The following TMEM156 variants were observed in gnomAD, a reference collection of about 807,000 sequenced individuals.
The protein encoded by TMEM156 is transmembrane protein 156.
TMEM156 carries 28 observed loss-of-function variants against 30.5 expected under a neutral mutation model. That is an observed-to-expected ratio of 0.92 (90% CI 0.68 to 1.26). The LOEUF is 1.26. TMEM156 is among the 50% of genes most tolerant of loss of function. The pLI, the probability that TMEM156 is intolerant of heterozygous loss-of-function variation, is 0.00. For synonymous variants in TMEM156, 137 were observed against 119.9 expected (o/e 1.14, Z -0.93); for missense variants, 351 against 340.6 (o/e 1.03, Z -0.24).
At position 38,967,232 on chromosome 4, in the gene TMEM156, T is replaced by G. The variant is rs1320401414; in HGVS notation, c.*448A>C. 1.3e-5 allele frequency: 2 copies of G among 152,216 alleles called. No individual in the cohort carries two copies. Among genetic ancestry groups the G allele is most frequent in the African/African-American group, 4.8e-5 (2 of 41,460 alleles). The allele number at this position is 152,216 out of a possible 1,614,324, so 9.4% of individuals were successfully genotyped here. A position where few individuals can be genotyped will look rare whatever the true frequency, so the allele number is the denominator to read the frequency against. The stretch of plus-strand genomic sequence containing the variant: ...GTGAAATAAAAATAATCTATCTGCA[T>G]AGGAAACAATTATCAAATCAGCATC... On this transcript the variant is annotated 3_prime_UTR_variant, in exon 7 of 7. Transcript: ENST00000381938.
At chr4:38,990,609 C>T (rs1207870819) in intron 3 of TMEM156, among the ~76,000 whole-genome samples, 3 of 152,120 alleles carry the variant, frequency 2.0e-5, no homozygotes, top group African/African-American at 4.8e-5. Context: ...TCCTAGGGTC[C>T]TGTGCTGCCC....
chr4:38,968,738 A>T (rs893257048), intron 6 of TMEM156, among the ~76,000 whole-genome samples: 1 of 152,190 alleles, frequency 6.6e-6, no homozygotes, highest in South Asian at 2.1e-4. Context: ...AAGTACTAAG[A>T]CCTGCCTCTC....
intron 1 of TMEM156, among the ~76,000 whole-genome samples, chr4:39,012,078 C>T (rs965150091): frequency 1.3e-5 from 2 of 152,324 alleles, no homozygotes; most frequent in South Asian, 4.1e-4. Context: ...ATGTTCACCA[C>T]TTGGGCAATG....
At chr4:39,010,965 A>G (rs896771046) in intron 1 of TMEM156, among the ~76,000 whole-genome samples, 16 of 152,180 alleles carry the variant, frequency 1.1e-4, no homozygotes. Context: ...CTATCAACAG[A>G]GTAAAGAGAC....
intron 1 of TMEM156, among the ~76,000 whole-genome samples, chr4:39,013,729 G>A (rs1400654073): frequency 6.6e-6 from 1 of 152,046 alleles, no homozygotes; most frequent in Non-Finnish European, 1.5e-5. Flanking sequence ...AGACAAAAGT[G>A]TGTATTTAAA....
At chr4:38,984,411 G>T (rs2109908106) in intron 5 of TMEM156, among the ~76,000 whole-genome samples, 1 of 150,352 alleles carries the variant, frequency 6.7e-6, no homozygotes, top group South Asian at 2.1e-4. Context: ...TTAAATGCAT[G>T]AACAAATGGA....
At chr4:38,984,087 G>A (rs775044296) in intron 5 of TMEM156, among the ~76,000 whole-genome samples, 1 of 152,194 alleles carries the variant, frequency 6.6e-6, no homozygotes, top group East Asian at 1.9e-4. Flanking sequence ...AAGCTGTCAC[G>A]CTTCTCAAAG....
chr4:38,975,536 C>T (rs1321767688), intron 5 of TMEM156, among the ~76,000 whole-genome samples: 1 of 152,046 alleles, frequency 6.6e-6, no homozygotes, highest in African/African-American at 2.4e-5. Context: ...GCATGTGCCA[C>T]CATGCCCAGC....
chr4:38,984,778 TA>T (rs934044031), intron 5 of TMEM156, among the ~76,000 whole-genome samples: 150 of 151,266 alleles, frequency 9.9e-4, no homozygotes, highest in African/African-American at 3.5e-3. Context: ...TTCTTGGTTT[TA>T]AAAAGGCCAT....
At chr4:38,981,438 T>C (rs1711538092) in intron 5 of TMEM156, among the ~76,000 whole-genome samples, 1 of 152,232 alleles carries the variant, frequency 6.6e-6, no homozygotes, top group Non-Finnish European at 1.5e-5. Flanking sequence ...ACTCACATTG[T>C]TATACACAAG....
Position 38,988,509 on chromosome 4 carries a change from G to A in TMEM156, c.739+342C>T, listed in dbSNP as rs566696493. Reference sequence around the variant, plus strand: ...AGCCTCCCAAGGTGCTGGGATTACAGGCATGAGTCACCGCGCTCGGCCTGA... The same window carrying A: ...AGCCTCCCAAGGTGCTGGGATTACAAGCATGAGTCACCGCGCTCGGCCTGA... On this transcript the variant is annotated intron_variant, in intron 4 of 6. Coordinates refer to ENST00000381938, the MANE Select transcript of TMEM156 (RefSeq NM_024943.3). Among the ~76,000 whole-genome samples, 563 of 152,316 alleles carry A rather than the reference G, an allele frequency of 3.7e-3. 4 individuals carry two copies. The highest frequency in any genetic ancestry group is 0.013 in the African/African-American group (538 of 41,568).
chr4:38,969,039 T>C (rs758985158), intron 6 of TMEM156, among the ~76,000 whole-genome samples: 1 of 152,256 alleles, frequency 6.6e-6, no homozygotes, highest in Non-Finnish European at 1.5e-5. Flanking sequence ...TTTTGTTCTA[T>C]GTATATAATG....
At chr4:38,972,116 T>C (rs1722626363) in intron 5 of TMEM156, among the ~76,000 whole-genome samples, 1 of 151,820 alleles carries the variant, frequency 6.6e-6, no homozygotes, top group South Asian at 2.1e-4. Flanking sequence ...AAAGAGAAGT[T>C]TGGGTGGTTG....
rs150496663 is a variant in TMEM156 at position 38,994,167 on chromosome 4, C to T, written c.359-169G>A. 1.5e-3 allele frequency among the ~76,000 whole-genome samples: 235 copies of T among 152,274 alleles called. 2 individuals carry two copies. Among genetic ancestry groups the T allele is most frequent in the Admixed American group, 0.011 (167 of 15,294 alleles). ...TGAGACAGGGTCTCACTCCGTCTCCCAGGCTGGAGTGCAGTGGCGTAATCA... is the reference window on the plus strand; with the variant it reads ...TGAGACAGGGTCTCACTCCGTCTCCTAGGCTGGAGTGCAGTGGCGTAATCA... On this transcript the variant is annotated intron_variant, in intron 2 of 6. Coordinates refer to ENST00000381938, the MANE Select transcript of TMEM156 (RefSeq NM_024943.3).
At chr4:38,980,599 C>G (rs1438854116) in intron 5 of TMEM156, among the ~76,000 whole-genome samples, 1 of 152,106 alleles carries the variant, frequency 6.6e-6, no homozygotes, top group South Asian at 2.1e-4. Flanking sequence ...ACACAAAGCA[C>G]AATAACACAA....
intron 1 of TMEM156, among the ~76,000 whole-genome samples, chr4:39,030,011 C>T (rs995440479): frequency 2.0e-5 from 3 of 151,898 alleles, no homozygotes; most frequent in Admixed American, 6.6e-5. Context: ...GGTTTTTGAA[C>T]ATTTTTGTTT....
chr4:38,996,329 C>T (rs1039582267), intron 2 of TMEM156, among the ~76,000 whole-genome samples: 2 of 148,856 alleles, frequency 1.3e-5, no homozygotes, highest in African/African-American at 2.5e-5. Flanking sequence ...GAGGCCGAGG[C>T]GGGTGGATCA....
rs529372364 is a variant in TMEM156, at chr4:38,981,588, A to G, written c.823+4748T>C. Among the ~76,000 whole-genome samples the G allele has an allele frequency of 1.3e-4, 20 of 152,316 alleles. No homozygotes were observed. In the South Asian group the frequency reaches 3.5e-3, roughly 27 times the overall value. On this transcript the variant is annotated intron_variant, in intron 5 of 6. Transcript: ENST00000381938. The stretch of plus-strand genomic sequence containing the variant: ...CACTATTGACATTACATGGCGTGCT[A>G]GAAAGTGCATCAGTTGGACAGAACT...
chr4:38,978,522 G>C (rs527506638), intron 5 of TMEM156, among the ~76,000 whole-genome samples: 1 of 152,080 alleles, frequency 6.6e-6, no homozygotes, highest in Non-Finnish European at 1.5e-5. Context: ...GCCTCATTTC[G>C]CTCAGCAACA....
Sources: allele counts gnomAD v4.1 joint callset (sites outside exome capture counted in the v4.1 genomes callset), GRCh38; gene constraint gnomAD v4.1.1; transcripts MANE v1.5; gene names NCBI Gene and HGNC (gene_info 2026-07-23, HGNC 2026-07-21).